The following FAM135B variants were observed in gnomAD, a reference collection of about 807,000 sequenced individuals.
The protein encoded by FAM135B is family with sequence similarity 135 member B.
In FAM135B, 43 loss-of-function variants were observed where a neutral mutation model predicts 127.7. The ratio of observed to expected loss-of-function variants is 0.34; its 90% confidence interval spans 0.26 to 0.43. The LOEUF (loss-of-function observed/expected upper bound fraction) is 0.43, where lower values mean the gene tolerates loss of function less well. FAM135B is among the 20% of genes least tolerant of loss of function. FAM135B has a pLI of 1.00. For missense variants in FAM135B, 1,558 were observed against 1,725.6 expected, an observed-to-expected ratio of 0.90 and a Z score of 1.72; for synonymous variants, 670 against 665.1, an observed-to-expected ratio of 1.01 and a Z score of -0.11.
chr8:138,242,910 G>C lies in FAM135B; in HGVS notation c.669+32C>G. 1 of 1,594,258 alleles carries C rather than the reference G, an allele frequency of 6.3e-7. No homozygotes were observed. Among genetic ancestry groups the C allele is most frequent in the East Asian group, 2.2e-5 (1 of 44,586 alleles). On this transcript the variant is annotated intron_variant, in intron 7 of 19. Transcript: ENST00000395297. The surrounding 1 kb of genome is among the most constrained non-coding windows in gnomAD (Gnocchi z 9.6). ...ACACTCTGCAAAGTAAAGTTTGAAA[G>C]TTTTGAAGCAACTGCCCCACACAGG...
intron 2 of FAM135B, among the ~76,000 whole-genome samples, chr8:138,329,873 T>C (rs1192196886): frequency 2.0e-5 from 3 of 152,166 alleles, no homozygotes; most frequent in South Asian, 4.1e-4. Context: ...GGAAGTTTGA[T>C]AGATGTCACT....
At chr8:138,494,148 C>A (rs1815298411) in intron 1 of FAM135B, among the ~76,000 whole-genome samples, 1 of 152,246 alleles carries the variant, frequency 6.6e-6, no homozygotes, top group Admixed American at 6.5e-5. Context: ...CACTTTGCCT[C>A]AGTGGGTTGA....
At position 138,432,298 on chromosome 8, in the gene FAM135B, G is replaced by C. The variant is rs954918261; in HGVS notation, c.-19-64296C>G. ...TAGCCCTGAATGATAAGAATGAACA[G>C]GCCTTAGGTTCTGTGAAAGAGCTTC... On this transcript the variant is annotated intron_variant, in intron 1 of 19. Coordinates refer to ENST00000395297, the MANE Select transcript of FAM135B (RefSeq NM_015912.4). 4.6e-5 allele frequency among the ~76,000 whole-genome samples: 7 copies of C among 152,278 alleles called. No individual in the cohort carries two copies. The South Asian group carries it at 1.4e-3, about 32-fold the overall frequency.
intron 1 of FAM135B, among the ~76,000 whole-genome samples, chr8:138,471,472 T>G (rs1474152): frequency 0.66 from 99,781 of 152,000 alleles, 34,053 homozygotes; most frequent in East Asian, 0.99. Context: ...CAGGTGATAG[T>G]AAGGTGACAC....
At chr8:138,146,575 T>C (rs10097110) in intron 14 of FAM135B, among the ~76,000 whole-genome samples, 123,807 of 152,024 alleles carry the variant, frequency 0.81, 50,766 homozygotes, top group East Asian at 1. Flanking sequence ...ACAAGAGACA[T>C]GGCAGAGCAA....
At chr8:138,326,746 T>C (rs1421737834) in intron 2 of FAM135B, among the ~76,000 whole-genome samples, 2 of 152,208 alleles carry the variant, frequency 1.3e-5, no homozygotes, top group East Asian at 1.9e-4. Flanking sequence ...AGTTTACTAA[T>C]GGTGCATGAC....
At chr8:138,167,861 A>G (rs758967055) in intron 12 of FAM135B, 34 bp downstream of exon 12, 2 of 1,580,994 alleles carry the variant, frequency 1.3e-6, no homozygotes, top group Non-Finnish European at 1.7e-6. Flanking sequence ...GGAAAGCCTT[A>G]TTCCTGAGTC....
intron 3 of FAM135B, among the ~76,000 whole-genome samples, chr8:138,290,291 G>A (rs985816594): frequency 2.4e-4 from 36 of 152,304 alleles, no homozygotes; most frequent in African/African-American, 8.4e-4. Flanking sequence ...CATGAAGGCT[G>A]GGAGGGTGAG....
intron 1 of FAM135B, among the ~76,000 whole-genome samples, chr8:138,473,406 G>C (rs1814183601): frequency 6.6e-6 from 1 of 152,004 alleles, no homozygotes; most frequent in Admixed American, 6.6e-5. Context: ...CCTGTATAAG[G>C]GGATAAAGTC....
chr8:138,213,940 G>T (rs539034648), intron 7 of FAM135B, among the ~76,000 whole-genome samples: 1 of 101,636 alleles, frequency 9.8e-6, no homozygotes, highest in Non-Finnish European at 2.0e-5. Flanking sequence ...ATAACTTTTG[G>T]TGGTGTTCAG....
intron 6 of FAM135B, among the ~76,000 whole-genome samples, chr8:138,247,864 C>T (rs1035393124): frequency 2.0e-5 from 3 of 152,222 alleles, no homozygotes; most frequent in African/African-American, 7.2e-5. Flanking sequence ...AACTATAACT[C>T]CAATTTACCA....
intron 2 of FAM135B, among the ~76,000 whole-genome samples, chr8:138,361,130 G>A (rs1830394386): frequency 6.6e-6 from 1 of 152,032 alleles, no homozygotes. Context: ...GTTTCACCAT[G>A]TTGGCCAGAC....
At chr8:138,207,968 A>T (rs2129779844) in intron 7 of FAM135B, among the ~76,000 whole-genome samples, 1 of 152,294 alleles carries the variant, frequency 6.6e-6, no homozygotes. Flanking sequence ...ATAAACAAAA[A>T]TCTGCAATTT....
At chr8:138,150,511 T>C (rs1818035810) in intron 13 of FAM135B, among the ~76,000 whole-genome samples, 1 of 151,898 alleles carries the variant, frequency 6.6e-6, no homozygotes, top group Non-Finnish European at 1.5e-5. Context: ...CTACTAAAAG[T>C]ACAAAAATTA....
chr8:138,494,972 CCT>C (rs1564042726), intron 1 of FAM135B, among the ~76,000 whole-genome samples: 2 of 152,170 alleles, frequency 1.3e-5, no homozygotes, highest in African/African-American at 2.4e-5. Context: ...AGCATTTTCC[CCT>C]GAGAAGCCCT....
chr8:138,367,824 C>G, intron 2 of FAM135B, 83 bp downstream of exon 2: 7 of 1,055,554 alleles, frequency 6.6e-6, no homozygotes, highest in Non-Finnish European at 1.0e-5. Context: ...AATCTGACTT[C>G]CCCACCTCCA....
chr8:138,199,611 C>T (rs1406779184), intron 7 of FAM135B, among the ~76,000 whole-genome samples: 1 of 152,234 alleles, frequency 6.6e-6, no homozygotes, highest in South Asian at 2.1e-4. Flanking sequence ...TAAAGAAATA[C>T]GTGAGACTGG....
intron 1 of FAM135B, among the ~76,000 whole-genome samples, chr8:138,474,187 G>C (rs1044701033): frequency 6.6e-6 from 1 of 152,108 alleles, no homozygotes; most frequent in Non-Finnish European, 1.5e-5. Flanking sequence ...ATACACAGTC[G>C]GGAGTGTCGC....
chr8:138,169,637 C>G (rs1383589901), intron 11 of FAM135B, among the ~76,000 whole-genome samples: 1 of 151,968 alleles, frequency 6.6e-6, no homozygotes, highest in Non-Finnish European at 1.5e-5. Flanking sequence ...AATTCTGTAC[C>G]TTTTGCCACC....
Sources: gnomAD v4.1 joint callset for allele counts (sites outside exome capture counted in the v4.1 genomes callset) on GRCh38, gnomAD v4.1.1 for gene constraint, Gnocchi (gnomAD v3.1) non-coding constraint, MANE v1.5 for transcripts, NCBI Gene and HGNC (gene_info 2026-07-23, HGNC 2026-07-21) for gene names.